Variants in BCL11A observed in about 807,000 individuals in gnomAD.
BCL11A encodes the protein B cell CLL/lymphoma 11A.
A neutral mutation model predicts 55.9 loss-of-function variants in BCL11A; 2 were observed. The ratio of observed to expected loss-of-function variants is 0.04; its 90% CI spans 0.01 to 0.11. The LOEUF is 0.11. Among genes scored for constraint, BCL11A ranks in the 10% least tolerant of loss-of-function variants. BCL11A has a pLI of 1.00. For missense variants in BCL11A, 817 were observed against 1,137.1 expected (o/e 0.72, Z 4.05); for synonymous variants, 465 against 473.4 (o/e 0.98, Z 0.23).
downstream of BCL11A, among the ~76,000 whole-genome samples, chr2:60,455,044 A>T (rs560097227): frequency 5.3e-5 from 8 of 152,212 alleles, no homozygotes; most frequent in Non-Finnish European, 1.0e-4. Context: ...GGTCCTAAAC[A>T]AAGAGAGGAT....
chr2:60,486,617 C>T (rs1678295130), intron 2 of BCL11A, among the ~76,000 whole-genome samples: 1 of 152,190 alleles, frequency 6.6e-6, no homozygotes, highest in African/African-American at 2.4e-5. Flanking sequence ...GAATAATGCA[C>T]AGAAATGAGC....
At chr2:60,474,824 A>T (rs1489313795) in intron 2 of BCL11A, among the ~76,000 whole-genome samples, 2 of 152,248 alleles carry the variant, frequency 1.3e-5, no homozygotes, top group Non-Finnish European at 2.9e-5. Context: ...GGCAGTACAA[A>T]GAAAACACGG....
At chr2:60,466,161 G>A (rs1676595402) in intron 3 of BCL11A, among the ~76,000 whole-genome samples, 1 of 151,926 alleles carries the variant, frequency 6.6e-6, no homozygotes, top group African/African-American at 2.4e-5. Context: ...AGGTGGGAGA[G>A]GACAGGGGTT....
At chr2:60,464,155 A>G (rs181056929) in intron 3 of BCL11A, among the ~76,000 whole-genome samples, 94 of 152,230 alleles carry the variant, frequency 6.2e-4, no homozygotes, top group East Asian at 2.1e-3. Flanking sequence ...CACTCAATAT[A>G]TCTCACTCCT....
chr2:60,505,901 G>A lies in BCL11A; in HGVS notation c.386-37068C>T, dbSNP rs1418921757. 1.2e-4 allele frequency among the ~76,000 whole-genome samples: 19 copies of A among 152,312 alleles called. No individual in the cohort carries two copies. The East Asian group carries it at 3.3e-3, about 26-fold the overall frequency. ...CGGTGGGCAGAAAAATCTGCATCCC[G>A]TAAATACCCAGAAGCAATAGCAGCC... On this transcript the variant is annotated intron_variant, in intron 2 of 3. Coordinates refer to ENST00000642384, the MANE Select transcript of BCL11A (RefSeq NM_022893.4).
chr2:60,519,011 G>A (rs972366208), intron 2 of BCL11A, among the ~76,000 whole-genome samples: 4 of 152,160 alleles, frequency 2.6e-5, no homozygotes, highest in African/African-American at 7.2e-5. Context: ...TTTAAAGAGC[G>A]ATGGCACACA....
chr2:60,538,115 G>A (rs531077501), intron 2 of BCL11A: 4 of 152,336 alleles, frequency 2.6e-5, no homozygotes, highest in African/African-American at 9.6e-5. Flanking sequence ...AGCCCTATCT[G>A]GAAAAGGGTG....
In BCL11A at chr2:60,457,833, G is replaced by T. The variant is rs1225616077; in HGVS notation, c.*2571C>A. The T allele has an allele frequency of 3.8e-6, 4 of 1,049,054 alleles. No individual in the cohort carries two copies. In the Admixed American group the frequency reaches 1.7e-4, roughly 43 times the overall value. 65.0% of individuals were successfully genotyped at this position (1,049,054 alleles called of 1,614,324 possible). The stretch of plus-strand genomic sequence containing the variant: ...GCATACAGTATGGCAGCAGGAAAAA[G>T]GAACAAAAAAGGATATGTACAACCC... On this transcript the variant is annotated 3_prime_UTR_variant, in exon 4 of 4. Transcript: ENST00000642384.
At chr2:60,454,504 C>A (rs1193883538), downstream of BCL11A, among the ~76,000 whole-genome samples, 1 of 152,020 alleles carries the variant, frequency 6.6e-6, no homozygotes, top group Non-Finnish European at 1.5e-5. Context: ...CCTGAACACA[C>A]CAGGCCCAGG....
intron 2 of BCL11A, among the ~76,000 whole-genome samples, chr2:60,477,349 T>A (rs7581162): frequency 0.49 from 75,076 of 152,074 alleles, 19,080 homozygotes; most frequent in East Asian, 0.76. Context: ...ACCCCAAGCC[T>A]TTTTATCTGC....
intron 2 of BCL11A, among the ~76,000 whole-genome samples, chr2:60,530,830 A>G (rs1359478322): frequency 6.6e-6 from 1 of 151,280 alleles, no homozygotes; most frequent in Non-Finnish European, 1.5e-5. Context: ...ACCTCCCACT[A>G]CCCCTCCTGA....
intron 2 of BCL11A, chr2:60,544,119 A>G (rs1670048061): frequency 6.6e-6 from 1 of 152,208 alleles, no homozygotes; most frequent in Non-Finnish European, 1.5e-5. Flanking sequence ...CTAAGACTGA[A>G]TAACCTATTT....
chr2:60,520,714 C>A (rs531611645), intron 2 of BCL11A, among the ~76,000 whole-genome samples: 182 of 149,850 alleles, frequency 1.2e-3, no homozygotes, highest in African/African-American at 4.1e-3. Context: ...AGCAGACAGT[C>A]CCCCACCCCC....
Position 60,472,283 on chromosome 2 carries a change from G to A in BCL11A, c.386-3450C>T, listed in dbSNP as rs556042237. On this transcript the variant is annotated intron_variant, in intron 2 of 3. Transcript: ENST00000642384. Reference sequence around the variant, plus strand: ...CTTCCATTAAAGCCGACATGTCAGCGAACGCAGCTGTGGCAACTGCACGGA... The same window carrying A: ...CTTCCATTAAAGCCGACATGTCAGCAAACGCAGCTGTGGCAACTGCACGGA... Among the ~76,000 whole-genome samples, 34 of 152,320 alleles carry A rather than the reference G, an allele frequency of 2.2e-4. No individual in the cohort carries two copies. In the South Asian group the frequency reaches 6.2e-3, roughly 28 times the overall value.
chr2:60,522,300 C>A (rs957837013), intron 2 of BCL11A: 1 of 152,176 alleles, frequency 6.6e-6, no homozygotes, highest in Admixed American at 6.5e-5. Context: ...TCAGTAAACA[C>A]CTCTGTATGT....
At position 60,458,924 on chromosome 2, in the gene BCL11A, A is replaced by T. The variant is rs907637488; in HGVS notation, c.*1480T>A. 3.9e-6 allele frequency: 4 copies of T among 1,034,014 alleles called. No homozygotes were observed. The Admixed American group carries it at 2.3e-4, about 59-fold the overall frequency. The allele number at this position is 1,034,014 out of a possible 1,614,324, so 64.1% of individuals were successfully genotyped here. ...TTCCATGTTAACACAAATAGCACAC[A>T]GTGTATGGAAAAGAAATGAAGTACA... is the stretch of plus-strand genomic sequence containing the variant. On this transcript the variant is annotated 3_prime_UTR_variant, in exon 4 of 4. Coordinates refer to ENST00000642384, the MANE Select transcript of BCL11A (RefSeq NM_022893.4).
intron 2 of BCL11A, among the ~76,000 whole-genome samples, chr2:60,511,399 T>A (rs540076726): frequency 6.6e-6 from 1 of 152,226 alleles, no homozygotes; most frequent in East Asian, 1.9e-4. Context: ...GGAAGTAATG[T>A]CATTCTATGT....
Position 60,462,102 on chromosome 2 carries a change from C to G in BCL11A, c.810G>C (p.Pro270=). The change falls in exon 4 of 4, where the codon CCG becomes CCC. Residue 270 remains proline (P), a synonymous_variant. Coordinates refer to ENST00000642384, the MANE Select transcript of BCL11A (RefSeq NM_022893.4). ...PPTPPLFSPP[P]RHHLDPHRIE... ...TGCGGTGGGGGTCCAAGTGATGTCTCGGTGGTGGACTAAACAGGGGGGGAG... is the reference window on the plus strand; with the variant it reads ...TGCGGTGGGGGTCCAAGTGATGTCTGGGTGGTGGACTAAACAGGGGGGGAG... 6.4e-7 allele frequency: 1 copy of G among 1,558,216 alleles called. No individual in the cohort carries two copies. Among genetic ancestry groups the G allele is most frequent in the Non-Finnish European group, 8.7e-7 (1 of 1,153,854 alleles).
At chr2:60,502,783 G>T (rs920762678) in intron 2 of BCL11A, among the ~76,000 whole-genome samples, 3 of 152,232 alleles carry the variant, frequency 2.0e-5, no homozygotes, top group Non-Finnish European at 2.9e-5. Flanking sequence ...CTCAATTGGT[G>T]ATCAAAAGAA....
Sources: allele counts gnomAD v4.1 joint callset (sites outside exome capture counted in the v4.1 genomes callset), GRCh38; gene constraint gnomAD v4.1.1; transcripts MANE v1.5; gene names NCBI Gene and HGNC (gene_info 2026-07-23, HGNC 2026-07-21).